Variants in ZKSCAN5 observed in about 807,000 individuals in gnomAD.
ZKSCAN5 encodes zinc finger protein with KRAB and SCAN domains 5.
ZKSCAN5 carries 28 observed loss-of-function variants against 60.0 expected under a neutral mutation model. The observed-to-expected ratio is 0.47, with a 90% CI of 0.35 to 0.64. The LOEUF is 0.64. Ranked by LOEUF, ZKSCAN5 falls within the 30% of genes least tolerant of loss-of-function variation. ZKSCAN5 has a pLI of 0.01. For missense variants in ZKSCAN5, 881 were observed against 1,034.6 expected, an observed-to-expected ratio of 0.85 and a Z score of 2.04; for synonymous variants, 361 against 371.2, an observed-to-expected ratio of 0.97 and a Z score of 0.31.
At chr7:99,525,780 G>C (rs1445489869) in intron 5 of ZKSCAN5, 33 bp from the exon 6 acceptor site, 1 of 1,568,418 alleles carries the variant, frequency 6.4e-7, no homozygotes, top group African/African-American at 1.4e-5. Context: ...TCAAGGAAAA[G>C]CTCATTTTTT....
At chr7:99,526,442 G>A (rs1000648285) in intron 6 of ZKSCAN5, 24 bp downstream of exon 6, 15 of 1,582,152 alleles carry the variant, frequency 9.5e-6, no homozygotes, top group South Asian at 3.4e-5. Flanking sequence ...GTTTATATCC[G>A]GGGGATAAAT....
At position 99,533,008 on chromosome 7, in the gene ZKSCAN5, G is replaced by A. The variant is rs1036122829; in HGVS notation, c.*759G>A. 3.7e-5 allele frequency: 8 copies of A among 214,568 alleles called. No individual in the cohort carries two copies. Among genetic ancestry groups the A allele is most frequent in the Admixed American group, 8.9e-5 (2 of 22,372 alleles). The allele number at this position is 214,568 out of a possible 1,614,324, so 13.3% of individuals were successfully genotyped here. On this transcript the variant is annotated 3_prime_UTR_variant, in exon 7 of 7. Transcript: ENST00000326775. ...GGTCAGTCACATCTTACGGCGAAGG[G>A]AGAGGGACCTTAGGGGAGCAGAGAA...
intron 5 of ZKSCAN5, among the ~76,000 whole-genome samples, chr7:99,521,815 C>T (rs1045870401): frequency 6.6e-6 from 1 of 151,128 alleles, no homozygotes; most frequent in East Asian, 1.9e-4. Flanking sequence ...TTTCATGGGG[C>T]CTTTTAGCTC....
intron 5 of ZKSCAN5, among the ~76,000 whole-genome samples, chr7:99,520,890 C>T (rs1179082944): frequency 6.6e-6 from 1 of 152,142 alleles, no homozygotes; most frequent in African/African-American, 2.4e-5. Context: ...ATCCCAGCTA[C>T]TTGGAGGACT....
chr7:99,505,466 C>CG (rs1345052573), intron 1 of ZKSCAN5: 1 of 152,726 alleles, frequency 6.5e-6, no homozygotes, highest in Non-Finnish European at 1.5e-5. Flanking sequence ...CTCTGTATCT[C>CG]GGGGTCAGGG....
intron 3 of ZKSCAN5, among the ~76,000 whole-genome samples, chr7:99,513,436 T>C (rs917527959): frequency 1.2e-4 from 18 of 152,286 alleles, no homozygotes; most frequent in Non-Finnish European, 2.6e-4. Flanking sequence ...CCCTGTTGCC[T>C]GGGATGGAGG....
chr7:99,506,466 A>G lies in ZKSCAN5; in HGVS notation c.414+8A>G. On this transcript the variant is annotated splice_region_variant and intron_variant, in intron 2 of 6. Transcript: ENST00000326775. The stretch of plus-strand genomic sequence containing the variant: ...GAGGAACGCAGACAGCAGGTGAGTC[A>G]AAGAGAAGCTATATGAGCAATGAAG... 6.2e-7 allele frequency: 1 copy of G among 1,602,176 alleles called. No individual in the cohort carries two copies. The highest frequency in any genetic ancestry group is 8.5e-7 in the Non-Finnish European group (1 of 1,172,678).
At chr7:99,521,952 G>A (rs559098505) in intron 5 of ZKSCAN5, among the ~76,000 whole-genome samples, 1 of 151,922 alleles carries the variant, frequency 6.6e-6, no homozygotes. Flanking sequence ...ATCTTTTTCA[G>A]TTACTTTATA....
intron 1 of ZKSCAN5, 62 bp from the exon 2 acceptor site, chr7:99,505,943 G>A (rs532680804): frequency 1.5e-5 from 21 of 1,358,748 alleles, no homozygotes; most frequent in Non-Finnish European, 2.1e-5. Flanking sequence ...ACATCAGTAG[G>A]TTGCATGCTA....
chr7:99,509,350 C>T (rs972235672), intron 2 of ZKSCAN5, among the ~76,000 whole-genome samples: 16 of 152,178 alleles, frequency 1.1e-4, no homozygotes, highest in Non-Finnish European at 1.9e-4. Flanking sequence ...TCTCAAACTC[C>T]TGACCTCAGG....
rs911192878 is a variant in ZKSCAN5, at chr7:99,518,211, C to T, written c.554-1616C>T. On this transcript the variant is annotated intron_variant, in intron 3 of 6. Coordinates refer to ENST00000326775, the MANE Select transcript of ZKSCAN5 (RefSeq NM_145102.4). ...TGGGAGGCCATTGCAGGTGAATCAC[C>T]GGAGTTTGAGACGATCCTGGACAAC... Among the ~76,000 whole-genome samples, 10 of 151,682 alleles carry T rather than the reference C, an allele frequency of 6.6e-5. No homozygotes were observed. In the South Asian group the frequency reaches 1.0e-3, roughly 16 times the overall value.
rs930767407 is a variant in ZKSCAN5, at chr7:99,512,471, G to A, written c.433G>A (p.Val145Met). ...TTGTTAGATTGTTGCCTGCCCTGATGTGCTTCCTCGGAAGATGGCAACACC... is the reference window on the plus strand; with the variant it reads ...TTGTTAGATTGTTGCCTGCCCTGATATGCTTCCTCGGAAGATGGCAACACC... ...RRQQIVACPD[V>M]LPRKMATPGA... is the part of the protein sequence containing the mutation. The change falls in exon 3 of 7, where the codon GTG becomes ATG. Residue 145 changes from valine (V) to methionine (M), a missense_variant. Transcript: ENST00000326775. 2 of 1,613,654 alleles carry A rather than the reference G, an allele frequency of 1.2e-6. No individual in the cohort carries two copies. Among genetic ancestry groups the A allele is most frequent in the Non-Finnish European group, 8.5e-7 (1 of 1,179,740 alleles).
rs970875068 is a variant in ZKSCAN5, at chr7:99,509,717, C to T, written c.415-2736C>T. Among the ~76,000 whole-genome samples the T allele has an allele frequency of 4.7e-5, 7 of 150,114 alleles. No homozygotes were observed. In the East Asian group the frequency reaches 1.0e-3, roughly 21 times the overall value. On this transcript the variant is annotated intron_variant, in intron 2 of 6. Transcript: ENST00000326775. ...TCCTGACTTCGTGATCTGCCCACCT[C>T]GGCCTCCCAAAGTGCTGGGATTACA...
intron 2 of ZKSCAN5, among the ~76,000 whole-genome samples, chr7:99,508,492 G>A (rs1384843089): frequency 1.3e-5 from 2 of 151,714 alleles, no homozygotes; most frequent in Non-Finnish European, 2.9e-5. Context: ...GGTGACTCAC[G>A]CCTGTAATCC....
chr7:99,506,157 T>C lies in ZKSCAN5; in HGVS notation c.113T>C (p.Met38Thr). 6.2e-7 allele frequency: 1 copy of C among 1,614,180 alleles called. No individual in the cohort carries two copies. Among genetic ancestry groups the C allele is most frequent in the Non-Finnish European group, 8.5e-7 (1 of 1,180,042 alleles). Residue 38 changes from methionine (M) to threonine (T), a missense_variant, in exon 2 of 7, where the codon ATG (methionine) becomes ACG (threonine). This residue lies in a region of ZKSCAN5 where 88 missense variants were observed against 65.2 expected (regional missense o/e 1.35). Coordinates refer to ENST00000326775, the MANE Select transcript of ZKSCAN5 (RefSeq NM_145102.4). ...GTGGAAGAAGAAGACTGCACCTGGATGCAGGAGTACAACCCGCCAACGTTT... is the reference window on the plus strand; with the variant it reads ...GTGGAAGAAGAAGACTGCACCTGGACGCAGGAGTACAACCCGCCAACGTTT... ...VKVEEEDCTW[M>T]QEYNPPTFET...
At chr7:99,507,405 A>G (rs1402838495) in intron 2 of ZKSCAN5, among the ~76,000 whole-genome samples, 1 of 151,736 alleles carries the variant, frequency 6.6e-6, no homozygotes, top group Non-Finnish European at 1.5e-5. Flanking sequence ...ATGTCTGTAT[A>G]TATGTGTGTA....
Position 99,504,709 on chromosome 7 carries a change from C to G in ZKSCAN5, c.-65C>G, listed in dbSNP as rs1800632298. ...GTGTGACGTTGAAGATGTCGGCCTT[C>G]TGAGCCGACTGCGGTGGTCAAGAGG... is the stretch of plus-strand genomic sequence containing the variant. On this transcript the variant is annotated 5_prime_UTR_variant, in exon 1 of 7. Transcript: ENST00000326775. 1.3e-5 allele frequency: 2 copies of G among 152,360 alleles called. No homozygotes were observed. Among genetic ancestry groups the G allele is most frequent in the Admixed American group, 1.3e-4 (2 of 15,278 alleles). 9.4% of individuals were successfully genotyped at this position (152,360 alleles called of 1,614,324 possible).
chr7:99,529,266 G>A (rs1360727384), intron 6 of ZKSCAN5, among the ~76,000 whole-genome samples: 5 of 151,908 alleles, frequency 3.3e-5, no homozygotes, highest in South Asian at 2.1e-4. Context: ...TCAGCCTCCC[G>A]AGTAGCTGGG....
intron 6 of ZKSCAN5, among the ~76,000 whole-genome samples, chr7:99,530,762 A>T (rs775454731): frequency 6.6e-6 from 1 of 152,112 alleles, no homozygotes; most frequent in Non-Finnish European, 1.5e-5. Flanking sequence ...TTTCCTTTAT[A>T]AAAGAACTGA....
Sources: allele counts gnomAD v4.1 joint callset (sites outside exome capture counted in the v4.1 genomes callset), GRCh38; gene constraint gnomAD v4.1.1; regional missense constraint gnomAD v4.1.1; transcripts MANE v1.5; gene names NCBI Gene and HGNC (gene_info 2026-07-23, HGNC 2026-07-21).